The following TSNARE1 variants were observed in gnomAD, a reference collection of about 807,000 sequenced individuals.
TSNARE1 encodes the protein t-SNARE domain-containing protein 1.
A neutral mutation model predicts 62.0 loss-of-function variants in TSNARE1; 49 were observed. The observed-to-expected ratio is 0.79, with a 90% CI of 0.63 to 1.00. The LOEUF (loss-of-function observed/expected upper bound fraction) is 1.00, where lower values mean the gene tolerates loss of function less well. Ranked by LOEUF, TSNARE1 falls within the 50% of genes least tolerant of loss-of-function variation. TSNARE1 has a pLI of 0.00. For synonymous variants in TSNARE1, 328 were observed against 294.4 expected (o/e 1.11, Z -1.17); for missense variants, 755 against 700.1 (o/e 1.08, Z -0.88).
intron 13 of TSNARE1, among the ~76,000 whole-genome samples, chr8:142,227,328 GAT>G (rs1816872729): frequency 4.5e-5 from 5 of 110,452 alleles, no homozygotes. Context: ...CAACTCCAGT[GAT>G]AGCCAGGACC....
intron 1 of TSNARE1, among the ~76,000 whole-genome samples, chr8:142,363,590 C>T (rs1047572386): frequency 2.0e-5 from 3 of 152,114 alleles, no homozygotes; most frequent in African/African-American, 7.2e-5. Flanking sequence ...CTGAAGACGG[C>T]GTTCCCAGGG....
rs185444105 is a variant in TSNARE1 at position 142,283,558 on chromosome 8, G to T, written c.1363+855C>A. 3.0e-5 allele frequency among the ~76,000 whole-genome samples: 4 copies of T among 132,904 alleles called. No homozygotes were observed. The East Asian group carries it at 9.8e-4, about 33-fold the overall frequency. The allele number at this position is 132,904 out of a possible 152,430, so 87.2% of individuals were successfully genotyped here. ...CGGGGCCAGTGTCTGTCAATGAGCA[G>T]AGGCGGAGTTAGTGTCTGTCAATGA... On this transcript the variant is annotated intron_variant, in intron 11 of 13. Coordinates refer to ENST00000524325, the MANE Select transcript of TSNARE1 (RefSeq NM_145003.5).
intron 4 of TSNARE1, among the ~76,000 whole-genome samples, chr8:142,343,086 T>C (rs1832814180): frequency 1.3e-5 from 2 of 152,092 alleles, no homozygotes; most frequent in Non-Finnish European, 2.9e-5. Flanking sequence ...CCCTGACCCA[T>C]CAGACACCAA....
chr8:142,250,114 C>T (rs756716320), intron 12 of TSNARE1, among the ~76,000 whole-genome samples: 9 of 152,270 alleles, frequency 5.9e-5, no homozygotes, highest in Middle Eastern at 3.4e-3. Context: ...AGGCCGGCAG[C>T]GCAGCAGTGT....
chr8:142,256,370 TC>T (rs1818566268), intron 12 of TSNARE1, among the ~76,000 whole-genome samples: 1 of 520 alleles, frequency 1.9e-3, no homozygotes. Context: ...ACCACCATCA[TC>T]ACCACCATCA....
intron 13 of TSNARE1, among the ~76,000 whole-genome samples, chr8:142,219,206 C>T (rs1263468506): frequency 3.9e-5 from 6 of 152,172 alleles, no homozygotes; most frequent in African/African-American, 1.4e-4. Context: ...GGCAGCACCC[C>T]CATTTCTTCC....
At chr8:142,270,909 G>A in intron 12 of TSNARE1, 1 of 985,558 alleles carries the variant, frequency 1.0e-6, no homozygotes, top group Non-Finnish European at 1.2e-6. Context: ...CAATGGCAAG[G>A]ACGCGACATC....
At chr8:142,406,800 C>T (rs1838589583), upstream of TSNARE1, 1 of 152,246 alleles carries the variant, frequency 6.6e-6, no homozygotes, top group African/African-American at 2.4e-5. Flanking sequence ...ATTCCCTTGT[C>T]ACCCACGCAG....
At chr8:142,328,642 C>A (rs1429372198) in intron 6 of TSNARE1, among the ~76,000 whole-genome samples, 1 of 152,224 alleles carries the variant, frequency 6.6e-6, no homozygotes, top group Non-Finnish European at 1.5e-5. Flanking sequence ...TTTCTGACAG[C>A]CACACACCAG....
At chr8:142,347,643 C>A (rs766383184) in intron 2 of TSNARE1, among the ~76,000 whole-genome samples, 1 of 152,050 alleles carries the variant, frequency 6.6e-6, no homozygotes, top group Non-Finnish European at 1.5e-5. Context: ...CAAGGACACG[C>A]CATCACCTCG....
upstream of TSNARE1, chr8:142,404,257 G>T (rs35854095): frequency 0.12 from 17,667 of 152,298 alleles, 1,192 homozygotes; most frequent in African/African-American, 0.17. Context: ...GACTGTGCAT[G>T]TGTGCGCACA....
chr8:142,379,113 C>A (rs921963253), intron 1 of TSNARE1, among the ~76,000 whole-genome samples: 11 of 152,346 alleles, frequency 7.2e-5, no homozygotes, highest in African/African-American at 2.2e-4. Context: ...CAGCACGGAT[C>A]AGAGCAGCTC....
chr8:142,286,263 C>T (rs1822727045), intron 10 of TSNARE1, among the ~76,000 whole-genome samples: 1 of 152,186 alleles, frequency 6.6e-6, no homozygotes, highest in Non-Finnish European at 1.5e-5. Context: ...TGACCCCTGC[C>T]CTGGCACACC....
chr8:142,344,652 T>G (rs1833110277), intron 3 of TSNARE1, among the ~76,000 whole-genome samples, 180 bp from the exon 4 acceptor site: 1 of 152,206 alleles, frequency 6.6e-6, no homozygotes, highest in Admixed American at 6.5e-5. Flanking sequence ...CCCCTAGCCC[T>G]GACACTGCCT....
At chr8:142,355,859 G>C (rs1834688182) in intron 1 of TSNARE1, among the ~76,000 whole-genome samples, 1 of 152,248 alleles carries the variant, frequency 6.6e-6, no homozygotes, top group East Asian at 1.9e-4. Context: ...CTCTGAGCAA[G>C]ACACCCGCCT....
Position 142,278,241 on chromosome 8 carries a change from C to T in TSNARE1, c.1364-3378G>A, listed in dbSNP as rs530517531. 6.0e-5 allele frequency: 59 copies of T among 985,472 alleles called. No homozygotes were observed. In the South Asian group the frequency reaches 2.4e-3, roughly 40 times the overall value. The allele number at this position is 985,472 out of a possible 1,614,324, so 61.0% of individuals were successfully genotyped here. On this transcript the variant is annotated intron_variant, in intron 11 of 13. Coordinates refer to ENST00000524325, the MANE Select transcript of TSNARE1 (RefSeq NM_145003.5). ...GCTGGGTCTACATGCGTCTCCCAAC[C>T]AGTCCGGCCCACTCTGCCCATGGGT... is the stretch of plus-strand genomic sequence containing the variant.
chr8:142,353,813 G>A (rs1051642193), intron 2 of TSNARE1, among the ~76,000 whole-genome samples: 5 of 152,186 alleles, frequency 3.3e-5, no homozygotes, highest in Non-Finnish European at 5.9e-5. Flanking sequence ...ACAGCTGGGA[G>A]GACGCTCACT....
At chr8:142,246,762 G>C (rs1817902232) in intron 12 of TSNARE1, among the ~76,000 whole-genome samples, 2 of 152,208 alleles carry the variant, frequency 1.3e-5, no homozygotes, top group Admixed American at 1.3e-4. Flanking sequence ...AGGCTGGCCT[G>C]AGCCCAAACG....
chr8:142,216,833 G>A (rs1401982098), intron 13 of TSNARE1, among the ~76,000 whole-genome samples: 1 of 152,172 alleles, frequency 6.6e-6, no homozygotes, highest in Admixed American at 6.5e-5. Flanking sequence ...ATCTGCCTCG[G>A]ACATCCCTGG....
Sources: allele counts gnomAD v4.1 joint callset (sites outside exome capture counted in the v4.1 genomes callset), GRCh38; gene constraint gnomAD v4.1.1; transcripts MANE v1.5; gene names NCBI Gene and HGNC (gene_info 2026-07-23, HGNC 2026-07-21).